Variants in KLC4 observed in about 807,000 individuals in gnomAD.
KLC4 encodes kinesin-like protein 8.
KLC4 carries 49 observed loss-of-function variants against 77.2 expected under a neutral mutation model. The ratio of observed to expected loss-of-function variants is 0.63; its 90% CI spans 0.50 to 0.80. The LOEUF (loss-of-function observed/expected upper bound fraction) is 0.80, where lower values mean the gene tolerates loss of function less well. KLC4 is among the 30% of genes least tolerant of loss of function. The pLI, the probability that KLC4 is intolerant of heterozygous loss-of-function variation, is 0.00. For synonymous variants in KLC4, 274 were observed against 314.5 expected, an observed-to-expected ratio of 0.87 and a Z score of 1.36; for missense variants, 669 against 793.5, an observed-to-expected ratio of 0.84 and a Z score of 1.89.
At position 43,059,695 on chromosome 6, in the gene KLC4, T is replaced by C; in HGVS notation, c.-26+10T>C. ...CACCGGCAGATTGCAGGTGAGTCTT[T>C]GAGGGTATCCTGGGGCTGAAGGTTA... On this transcript the variant is annotated intron_variant, in intron 1 of 15. Coordinates refer to ENST00000347162, the MANE Select transcript of KLC4 (RefSeq NM_201521.3). The C allele has an allele frequency of 7.6e-7, 1 of 1,317,022 alleles. No individual in the cohort carries two copies. The highest frequency in any genetic ancestry group is 1.5e-5 in the African/African-American group (1 of 67,144). 81.6% of individuals were successfully genotyped at this position (1,317,022 alleles called of 1,614,324 possible). A position where few individuals can be genotyped will look rare whatever the true frequency, so the allele number is the denominator to read the frequency against.
Position 43,060,602 on chromosome 6 carries a change from A to G in KLC4, c.-25-709A>G. 3.4e-6 allele frequency: 4 copies of G among 1,181,464 alleles called. No homozygotes were observed. In the South Asian group the frequency reaches 6.8e-5, roughly 20 times the overall value. 73.2% of individuals were successfully genotyped at this position (1,181,464 alleles called of 1,614,324 possible). A position where few individuals can be genotyped will look rare whatever the true frequency, so the allele number is the denominator to read the frequency against. The stretch of plus-strand genomic sequence containing the variant: ...CACAGCCAGGGCCTCTGCTCTGTAC[A>G]CAGGTAAGAAGGCTTCAAAGATGAG... On this transcript the variant is annotated intron_variant, in intron 1 of 15. Coordinates refer to ENST00000347162, the MANE Select transcript of KLC4 (RefSeq NM_201521.3).
intron 3 of KLC4, among the ~76,000 whole-genome samples, chr6:43,065,173 C>G (rs914718877): frequency 3.4e-4 from 52 of 152,128 alleles, no homozygotes; most frequent in African/African-American, 1.2e-3. Context: ...CTCCCAGGTT[C>G]AAGCGATTCT....
chr6:43,072,959 T>C lies in KLC4; in HGVS notation c.1624T>C (p.Ser542Pro). 1 of 1,597,844 alleles carries C rather than the reference T, an allele frequency of 6.3e-7. No homozygotes were observed. ...GEDASVAVEW[S>P]GDGSGTLQRS... ...AGATGCTTCTGTGGCTGTGGAGTGG[T>C]CCGGGGTAAGTCTGATCATTGCCTT... The change falls in exon 13 of 16, where the codon TCC becomes CCC. Residue 542 changes from serine (S) to proline (P), a missense_variant. Coordinates refer to ENST00000347162, the MANE Select transcript of KLC4 (RefSeq NM_201521.3).
At chr6:43,071,001 C>T (rs1319666293) in intron 8 of KLC4, 136 bp downstream of exon 8, 1 of 840,882 alleles carries the variant, frequency 1.2e-6, no homozygotes, top group Non-Finnish European at 1.8e-6. Context: ...CTCTCATCAA[C>T]TTTGTGCTCA....
intron 14 of KLC4, chr6:43,073,545 G>A: frequency 1.9e-6 from 1 of 536,498 alleles, no homozygotes; most frequent in South Asian, 2.1e-5. Flanking sequence ...TACTTGGGAG[G>A]CTGAGGCAGG....
Position 43,074,815 on chromosome 6 carries a change from G to C in KLC4, c.*143G>C. 1.4e-6 allele frequency: 1 copy of C among 698,642 alleles called. No homozygotes were observed. Among genetic ancestry groups the C allele is most frequent in the South Asian group, 1.6e-5 (1 of 61,610 alleles). The allele number at this position is 698,642 out of a possible 1,614,324, so 43.3% of individuals were successfully genotyped here. On this transcript the variant is annotated 3_prime_UTR_variant, in exon 16 of 16. Coordinates refer to ENST00000347162, the MANE Select transcript of KLC4 (RefSeq NM_201521.3). ...ACCAGAAGATTGCTGCTGCCCTTAG[G>C]GTCTCAGCTCCCTCCTCAGGAATCC...
intron 3 of KLC4, chr6:43,065,256 T>G (rs1717600765): frequency 5.8e-6 from 1 of 172,444 alleles, no homozygotes. Context: ...GTATTTCTAG[T>G]AGAGATGGGG....
In KLC4 at chr6:43,066,976, T is replaced by C. The variant is rs1469725756; in HGVS notation, c.792-20T>C. ...GCTTGCGGGTTCAGGGTAACTCCTG[T>C]CACTTTTGTCTTCTTCCAGTGACCA... On this transcript the variant is annotated intron_variant, in intron 5 of 15. Transcript: ENST00000347162. 7 of 1,605,040 alleles carry C rather than the reference T, an allele frequency of 4.4e-6. No individual in the cohort carries two copies. In the African/African-American group the frequency reaches 8.0e-5, roughly 18 times the overall value.
chr6:43,068,785 TG>T (rs1433202877), intron 6 of KLC4, among the ~76,000 whole-genome samples: 1 of 152,068 alleles, frequency 6.6e-6, no homozygotes, highest in African/African-American at 2.4e-5. Context: ...CACTCCAGCC[TG>T]GGCAACAGAG....
Position 43,071,276 on chromosome 6 carries a change from C to T in KLC4, c.1157C>T (p.Ala386Val), listed in dbSNP as rs1765708888. The T allele has an allele frequency of 3.1e-6, 5 of 1,609,198 alleles. No individual in the cohort carries two copies. Among genetic ancestry groups the T allele is most frequent in the Non-Finnish European group, 4.3e-6 (5 of 1,176,068 alleles). ...PNVARTKNNL[A>V]SCYLKQGKYA... ...TATTTTTGCCTTTCTGTCCTCCAGG[C>T]TTCCTGTTACCTGAAACAGGGCAAA... The change falls in exon 9 of 16, where the codon GCT becomes GTT. Residue 386 changes from alanine to valine, a missense_variant and splice_region_variant. Physicochemically the swap from Ala to Val is moderately conservative, Grantham distance 64. Coordinates refer to ENST00000347162, the MANE Select transcript of KLC4 (RefSeq NM_201521.3).
At chr6:43,061,740 A>C in intron 2 of KLC4, 147 bp downstream of exon 2, 3 of 855,412 alleles carry the variant, frequency 3.5e-6, no homozygotes, top group Non-Finnish European at 5.2e-6. Flanking sequence ...TGTGTGCCAG[A>C]ATGCTTTTGG....
chr6:43,066,244 T>C, intron 4 of KLC4, 62 bp from the exon 5 acceptor site: 1 of 1,383,286 alleles, frequency 7.2e-7, no homozygotes, highest in Non-Finnish European at 1.0e-6. Flanking sequence ...CAATGGGGAG[T>C]GGAAGGGCAG....
At chr6:43,063,664 C>T (rs1765279372) in intron 3 of KLC4, among the ~76,000 whole-genome samples, 1 of 152,012 alleles carries the variant, frequency 6.6e-6, no homozygotes, top group Non-Finnish European at 1.5e-5. Context: ...AGCAATTCTC[C>T]TGCCTCAGCC....
In KLC4 at chr6:43,059,909, C is replaced by T. The variant is rs540558021; in HGVS notation, c.-26+224C>T. ...CCGACTGACTCAGTGACCTCGGGGT[C>T]GTTAGGCCTCCACGTCCTCGCTGGA... On this transcript the variant is annotated intron_variant, in intron 1 of 15. Coordinates refer to ENST00000347162, the MANE Select transcript of KLC4 (RefSeq NM_201521.3). 231 of 1,258,626 alleles carry T rather than the reference C, an allele frequency of 1.8e-4. 2 individuals are homozygous for T. In the South Asian group the frequency reaches 3.9e-3, roughly 21 times the overall value. The allele number at this position is 1,258,626 out of a possible 1,614,324, so 78.0% of individuals were successfully genotyped here. A position where few individuals can be genotyped will look rare whatever the true frequency, so the allele number is the denominator to read the frequency against.
rs779336865 is a variant in KLC4 at position 43,066,342 on chromosome 6, G to T, written c.608G>T (p.Gly203Val). 1.3e-5 allele frequency: 21 copies of T among 1,614,198 alleles called. No homozygotes were observed. Among genetic ancestry groups the T allele is most frequent in the Non-Finnish European group, 1.8e-5 (21 of 1,180,030 alleles). ...RGQGATAAQQGGYEIPARLRT... is the reference protein window; with the variant it reads ...RGQGATAAQQVGYEIPARLRT... ...CAAGGTGCTACAGCAGCTCAGCAGG[G>T]TGGATATGAGATCCCAGCAAGGTTG... is the stretch of plus-strand genomic sequence containing the variant. Residue 203 changes from glycine to valine, a missense_variant, in exon 5 of 16, where the codon GGT (glycine) becomes GTT (valine). By Grantham distance (109) the Gly-to-Val change is moderately radical (BLOSUM62 -3). Transcript: ENST00000347162.
rs1023098785 is a variant in KLC4, at chr6:43,066,341, G to A, written c.607G>A (p.Gly203Ser). 11 of 1,614,048 alleles carry A rather than the reference G, an allele frequency of 6.8e-6. No homozygotes were observed. The highest frequency in any genetic ancestry group is 4.5e-5 in the East Asian group (2 of 44,900). ...RGQGATAAQQ[G>S]GYEIPARLRT... ...TCAAGGTGCTACAGCAGCTCAGCAGGGTGGATATGAGATCCCAGCAAGGTT... is the reference window on the plus strand; with the variant it reads ...TCAAGGTGCTACAGCAGCTCAGCAGAGTGGATATGAGATCCCAGCAAGGTT... Residue 203 changes from glycine to serine, a missense_variant, in exon 5 of 16, where the codon GGT becomes AGT. Coordinates refer to ENST00000347162, the MANE Select transcript of KLC4 (RefSeq NM_201521.3).
At chr6:43,065,224 G>A (rs923676366) in intron 3 of KLC4, among the ~76,000 whole-genome samples, 1 of 152,094 alleles carries the variant, frequency 6.6e-6, no homozygotes, top group Admixed American at 6.6e-5. Context: ...ATAGGCATGC[G>A]CCACCACGCC....
At chr6:43,060,279 A>T in intron 1 of KLC4, 1 of 1,613,534 alleles carries the variant, frequency 6.2e-7, no homozygotes, top group South Asian at 1.1e-5. Context: ...CTCTTGCTGT[A>T]GGTCTCTGGT....
intron 1 of KLC4, 147 bp from the exon 2 acceptor site, chr6:43,061,164 G>T: frequency 1.3e-6 from 1 of 791,448 alleles, no homozygotes; most frequent in African/African-American, 1.7e-5. Context: ...TAAGCTCCCT[G>T]CCTGCTGGTC....
Sources: allele counts gnomAD v4.1 joint callset (sites outside exome capture counted in the v4.1 genomes callset), GRCh38; gene constraint gnomAD v4.1.1; transcripts MANE v1.5; gene names NCBI Gene and HGNC (gene_info 2026-07-23, HGNC 2026-07-21).